Variants in DMD observed in about 807,000 individuals in gnomAD.
DMD encodes the protein mutant dystrophin.
A neutral mutation model predicts 330.1 loss-of-function variants in DMD; 63 were observed. The ratio of observed to expected loss-of-function variants is 0.19; its 90% CI spans 0.16 to 0.24. The LOEUF (loss-of-function observed/expected upper bound fraction) is 0.24. DMD is among the 10% of genes least tolerant of loss of function. The probability of loss-of-function intolerance (pLI) is 1.00; values close to 1 mark genes in which losing one functional copy is unlikely to be tolerated. For synonymous variants in DMD, 1,223 were observed against 959.8 expected (o/e 1.27, Z -5.07); for missense variants, 3,344 against 2,684.1 (o/e 1.25, Z -5.43).
At chrX:31,693,336 T>C (rs1410404334) in intron 52 of DMD, among the ~76,000 whole-genome samples, 1 of 111,618 alleles carries the variant, frequency 9.0e-6, no homozygotes, top group Non-Finnish European at 1.9e-5. Flanking sequence ...CAGTAAAACG[T>C]AGAAGGCTTT....
chrX:32,267,810 C>T (rs1015942895), intron 43 of DMD, among the ~76,000 whole-genome samples: 9 of 111,895 alleles, frequency 8.0e-5, no homozygotes, highest in East Asian at 2.8e-4. Flanking sequence ...GGATTGTGCA[C>T]GTGACCTTTA....
intron 49 of DMD, among the ~76,000 whole-genome samples, chrX:31,833,934 A>G (rs757369831): frequency 2.7e-5 from 3 of 111,163 alleles, no homozygotes; most frequent in South Asian, 3.8e-4. Flanking sequence ...CATTTTCTTC[A>G]TAATTATTAC....
At chrX:32,310,434 G>A (rs1032901954) in intron 41 of DMD, among the ~76,000 whole-genome samples, 158 bp from the exon 42 acceptor site, 1 of 110,622 alleles carries the variant, frequency 9.0e-6, no homozygotes, top group Admixed American at 9.7e-5. Flanking sequence ...CTAGTAAAAC[G>A]GTGATTTATT....
In DMD at chrX:32,889,318, A is replaced by T. The variant is rs1323728432; in HGVS notation, c.94-39498T>A. Among the ~76,000 whole-genome samples the T allele has an allele frequency of 5.4e-5, 6 of 111,213 alleles. 2 individuals carry two copies. The Admixed American group carries it at 5.8e-4, about 11-fold the overall frequency. On this transcript the variant is annotated intron_variant, in intron 2 of 78. Transcript: ENST00000357033. Reference sequence around the variant, plus strand: ...CTCAATGGGTTTTTGGAGGATGAAGAATGACAAGGGAACCACCATGTTTCT... The same window carrying T: ...CTCAATGGGTTTTTGGAGGATGAAGTATGACAAGGGAACCACCATGTTTCT...
intron 45 of DMD, among the ~76,000 whole-genome samples, chrX:31,965,690 A>G (rs1348908739): frequency 1.8e-5 from 2 of 111,705 alleles, no homozygotes; most frequent in Non-Finnish European, 3.8e-5. Context: ...AGCCGATGAT[A>G]GGTTTTTATT....
intron 39 of DMD, among the ~76,000 whole-genome samples, chrX:32,343,983 T>G (rs759339471): frequency 1.3e-4 from 15 of 111,805 alleles, no homozygotes; most frequent in Non-Finnish European, 7.5e-5. Context: ...ATGCTCTAAA[T>G]GCAAAACAAT....
chrX:33,118,190 A>G (rs2095400786), intron 1 of DMD, among the ~76,000 whole-genome samples: 1 of 102,608 alleles, frequency 9.7e-6, no homozygotes, highest in South Asian at 4.6e-4. Context: ...GGCTCACTGC[A>G]AGCTCCGCCT....
At chrX:33,168,828 T>C (rs976450214) in intron 1 of DMD, among the ~76,000 whole-genome samples, 1 of 110,528 alleles carries the variant, frequency 9.0e-6, no homozygotes, top group African/African-American at 3.3e-5. Flanking sequence ...GATACAGTTA[T>C]ATTCCCTAAG....
intron 7 of DMD, among the ~76,000 whole-genome samples, chrX:32,753,512 GC>G (rs1277770401): frequency 1.8e-5 from 2 of 111,476 alleles, no homozygotes; most frequent in Non-Finnish European, 3.8e-5. Context: ...CCTCTGCACT[GC>G]CACTCATAGT....
chrX:32,947,476 A>AT (rs1412264681), intron 2 of DMD, among the ~76,000 whole-genome samples: 6 of 111,619 alleles, frequency 5.4e-5, no homozygotes, highest in Admixed American at 3.8e-4. Flanking sequence ...AGAATCATAC[A>AT]TTTTTTTAAA....
chrX:33,008,880 GTATA>G (rs760126987), intron 2 of DMD, among the ~76,000 whole-genome samples: 9,633 of 52,685 alleles, frequency 0.18, 1,361 homozygotes, highest in African/African-American at 0.24. Context: ...ACTCATATAT[GTATA>G]TATACGTGTA....
intron 55 of DMD, among the ~76,000 whole-genome samples, chrX:31,610,259 A>C (rs1347816249): frequency 1.8e-5 from 2 of 112,371 alleles, no homozygotes; most frequent in Non-Finnish European, 3.8e-5. Flanking sequence ...AAACGACAAC[A>C]AAAACCTGTT....
At chrX:31,760,748 A>C (rs918609214) in intron 51 of DMD, among the ~76,000 whole-genome samples, 1 of 111,388 alleles carries the variant, frequency 9.0e-6, no homozygotes, top group Non-Finnish European at 1.9e-5. Context: ...CTATGCCATA[A>C]ACCTATGCAT....
chrX:32,822,386 A>T (rs1215204845), intron 5 of DMD, among the ~76,000 whole-genome samples: 1 of 111,034 alleles, frequency 9.0e-6, no homozygotes, highest in African/African-American at 3.3e-5. Context: ...ATATACACAT[A>T]CATATTTATA....
At chrX:32,958,954 AT>A (rs903152459) in intron 2 of DMD, among the ~76,000 whole-genome samples, 2 of 109,351 alleles carry the variant, frequency 1.8e-5, no homozygotes, top group African/African-American at 6.6e-5. Flanking sequence ...GCATACAGGA[AT>A]TTTTTGGGGG....
chrX:32,532,572 T>C (rs1206643965), intron 17 of DMD, among the ~76,000 whole-genome samples: 1 of 112,493 alleles, frequency 8.9e-6, no homozygotes, highest in Non-Finnish European at 1.9e-5. Flanking sequence ...GTGACAATAA[T>C]AAAACTTACT....
chrX:31,217,852 A>G (rs1221454135), intron 64 of DMD, among the ~76,000 whole-genome samples: 1 of 112,281 alleles, frequency 8.9e-6, no homozygotes, highest in Non-Finnish European at 1.9e-5. Flanking sequence ...ATTTAGATAC[A>G]TACACCTTAA....
At chrX:31,148,020 T>C (rs1399989786) in intron 74 of DMD, among the ~76,000 whole-genome samples, 1 of 111,274 alleles carries the variant, frequency 9.0e-6, no homozygotes, top group Admixed American at 9.6e-5. Context: ...CTTCAAAAGT[T>C]TTTTGAAGAA....
At chrX:33,008,869 TACTC>T (rs2093466185) in intron 2 of DMD, among the ~76,000 whole-genome samples, 1 of 53,328 alleles carries the variant, frequency 1.9e-5, no homozygotes, top group Non-Finnish European at 4.4e-5. Context: ...TATATACACA[TACTC>T]ATATATGTAT....
Sources: allele counts gnomAD v4.1 joint callset (sites outside exome capture counted in the v4.1 genomes callset), GRCh38; gene constraint gnomAD v4.1.1; transcripts MANE v1.5; gene names NCBI Gene and HGNC (gene_info 2026-07-23, HGNC 2026-07-21).